The following PRR33 variants were observed in gnomAD, a reference collection of about 807,000 sequenced individuals.
PRR33 encodes the protein proline-rich protein 33.
A neutral mutation model predicts 0.5 loss-of-function variants in PRR33; 1 was observed. The observed-to-expected ratio is 2.18, with a 90% CI of 0.77 to 10.34. The LOEUF (loss-of-function observed/expected upper bound fraction) is 10.34, where lower values mean the gene tolerates loss of function less well. Among genes scored for constraint, PRR33 ranks in the 30% most tolerant of loss-of-function variants. The probability of loss-of-function intolerance (pLI) is 0.13; values close to 1 mark genes in which losing one functional copy is unlikely to be tolerated. For synonymous variants in PRR33, 226 were observed against 110.0 expected, an observed-to-expected ratio of 2.06 and a Z score of -6.60; for missense variants, 552 against 251.8, an observed-to-expected ratio of 2.19 and a Z score of -8.07.
At chr11:1,890,305 G>A (rs748660413) in exon 1 of PRR33, 366 of 711,518 alleles carry the variant, frequency 5.1e-4, no homozygotes, top group Non-Finnish European at 8.6e-4. Context: ...TCAGGAAGGC[G>A]TGGGGCTTCG....
chr11:1,913,310 T>G, the PRR33 span, among the ~76,000 whole-genome samples: 17 of 35,340 alleles, frequency 4.8e-4, no homozygotes, highest in South Asian at 1.2e-3. Context: ...TGTTTTTTTT[T>G]TTTTGTTTTT....
the PRR33 span, among the ~76,000 whole-genome samples, chr11:1,911,571 C>G: frequency 6.6e-6 from 1 of 152,044 alleles, no homozygotes; most frequent in Non-Finnish European, 1.5e-5. Flanking sequence ...GCACCCACCA[C>G]CACGCCTGGC....
At chr11:1,899,363 A>G in the PRR33 span, among the ~76,000 whole-genome samples, 1 of 152,204 alleles carries the variant, frequency 6.6e-6, no homozygotes, top group African/African-American at 2.4e-5. Flanking sequence ...TGGCAAGGGC[A>G]GTCTTTCTGT....
chr11:1,889,919 C>T, exon 1 of PRR33: 1 of 627,710 alleles, frequency 1.6e-6, no homozygotes, highest in Non-Finnish European at 2.9e-6. Context: ...CCACTGGGAC[C>T]AGGGGCTGGG....
At chr11:1,912,571 C>T in the PRR33 span, among the ~76,000 whole-genome samples, 5 of 152,126 alleles carry the variant, frequency 3.3e-5, no homozygotes, top group Non-Finnish European at 7.4e-5. Context: ...AGATGTTAGA[C>T]TATTTATTAG....
chr11:1,915,667 T>TG, the PRR33 span, among the ~76,000 whole-genome samples: 1 of 690 alleles, frequency 1.4e-3, no homozygotes, highest in Non-Finnish European at 4.1e-3. Flanking sequence ...GTGTGTGTGT[T>TG]TTGGGGGGGT....
upstream of PRR33, among the ~76,000 whole-genome samples, chr11:1,894,588 C>G (rs577876375): frequency 7.2e-5 from 11 of 152,266 alleles, no homozygotes; most frequent in African/African-American, 2.6e-4. Context: ...CACGCACGCA[C>G]TCCTTGTCTG....
the PRR33 span, among the ~76,000 whole-genome samples, chr11:1,897,692 C>T: frequency 3.9e-5 from 6 of 152,276 alleles, no homozygotes; most frequent in African/African-American, 7.2e-5. The surrounding 1 kb of genome is among the most constrained non-coding windows in gnomAD (Gnocchi z 4.0). Flanking sequence ...CCTCAGTCAC[C>T]GCCACTTCCA....
upstream of PRR33, among the ~76,000 whole-genome samples, chr11:1,895,112 T>C (rs747106121): frequency 6.6e-6 from 1 of 152,198 alleles, no homozygotes; most frequent in Non-Finnish European, 1.5e-5. Flanking sequence ...TGTTTTCCTA[T>C]TGTTGAGTTT....
At chr11:1,907,910 T>C in the PRR33 span, 2 of 152,188 alleles carry the variant, frequency 1.3e-5, no homozygotes, top group Non-Finnish European at 2.9e-5. Flanking sequence ...CAGGTTCCCG[T>C]GCATACACAA....
chr11:1,903,639 C>T, the PRR33 span, among the ~76,000 whole-genome samples: 34 of 152,296 alleles, frequency 2.2e-4, no homozygotes, highest in African/African-American at 7.7e-4. Context: ...TAGTAAGATG[C>T]CACCATTTCT....
upstream of PRR33, among the ~76,000 whole-genome samples, chr11:1,896,761 G>C (rs1045453127): frequency 1.3e-5 from 2 of 152,160 alleles, no homozygotes; most frequent in African/African-American, 4.8e-5. Flanking sequence ...ATCGGTTGTG[G>C]GGTTTTCATA....
chr11:1,894,959 G>A (rs758789109), upstream of PRR33, among the ~76,000 whole-genome samples: 5 of 152,172 alleles, frequency 3.3e-5, no homozygotes, highest in African/African-American at 4.8e-5. Flanking sequence ...GACGTGGAGG[G>A]TGCGGTCTGT....
chr11:1,888,967 C>A (rs1848868765), exon 1 of PRR33: 2 of 523,150 alleles, frequency 3.8e-6, no homozygotes, highest in Admixed American at 7.3e-5. Flanking sequence ...CCTGACCACC[C>A]TCCTAACCAT....
At chr11:1,915,032 C>T in the PRR33 span, among the ~76,000 whole-genome samples, 2 of 144,854 alleles carry the variant, frequency 1.4e-5, no homozygotes, top group Admixed American at 1.4e-4. Flanking sequence ...TGGGGACACA[C>T]GGATGATGTT....
chr11:1,911,525 C>T, the PRR33 span, among the ~76,000 whole-genome samples: 1 of 151,998 alleles, frequency 6.6e-6, no homozygotes, highest in Non-Finnish European at 1.5e-5. Flanking sequence ...TCAATCGATT[C>T]TCCTACTTCA....
chr11:1,890,407 T>G (rs1321648323), exon 1 of PRR33: 1 of 717,166 alleles, frequency 1.4e-6, no homozygotes, highest in Non-Finnish European at 2.6e-6. Flanking sequence ...CGGAAGGCCC[T>G]GGGTGGAGCG....
chr11:1,890,656 C>T, exon 1 of PRR33: 1 of 656,210 alleles, frequency 1.5e-6, no homozygotes, highest in South Asian at 1.6e-5. Context: ...AGGCCTGTGT[C>T]TCCTGTGGTC....
the PRR33 span, among the ~76,000 whole-genome samples, chr11:1,911,576 C>T: frequency 6.6e-6 from 1 of 152,010 alleles, no homozygotes; most frequent in African/African-American, 2.4e-5. Flanking sequence ...CACCACCACG[C>T]CTGGCTAATT....
Sources: allele counts gnomAD v4.1 joint callset (sites outside exome capture counted in the v4.1 genomes callset), GRCh38; gene constraint gnomAD v4.1.1; non-coding constraint Gnocchi (gnomAD v3.1); transcripts MANE v1.5; gene names NCBI Gene and HGNC (gene_info 2026-07-23, HGNC 2026-07-21).